UBASH3B: variants seen among roughly 807,000 people sequenced by gnomAD.
UBASH3B encodes the protein ubiquitin associated and SH3 domain containing B.
UBASH3B carries 37 observed loss-of-function variants against 83.4 expected under a neutral mutation model. That is an observed-to-expected ratio of 0.44 (90% CI 0.34 to 0.58). The LOEUF (loss-of-function observed/expected upper bound fraction) is 0.58. Among genes scored for constraint, UBASH3B ranks in the 20% least tolerant of loss-of-function variants. The pLI, the probability that UBASH3B is intolerant of heterozygous loss-of-function variation, is 0.01. For synonymous variants in UBASH3B, 304 were observed against 318.3 expected (o/e 0.96, Z 0.48); for missense variants, 657 against 827.2 (o/e 0.79, Z 2.52).
intron 1 of UBASH3B, among the ~76,000 whole-genome samples, chr11:122,729,722 G>T (rs892887409): frequency 1.4e-5 from 2 of 145,282 alleles, no homozygotes; most frequent in Non-Finnish European, 3.0e-5. Context: ...CACGTTGGGA[G>T]GCCCAGGTGG....
At chr11:122,739,495 C>T (rs949746714) in intron 1 of UBASH3B, among the ~76,000 whole-genome samples, 2 of 152,182 alleles carry the variant, frequency 1.3e-5, no homozygotes, top group Non-Finnish European at 2.9e-5. Flanking sequence ...TACTATAGTG[C>T]TTGGCATACA....
chr11:122,692,610 T>C (rs111378096), intron 1 of UBASH3B, among the ~76,000 whole-genome samples: 52 of 152,290 alleles, frequency 3.4e-4, no homozygotes, highest in African/African-American at 1.3e-3. Context: ...GGAAGACAGT[T>C]TGCATACTGC....
rs568912747 is a variant in UBASH3B, at chr11:122,768,470, A to ATG, written c.162-7711_162-7710dup. Among the ~76,000 whole-genome samples, 2,789 of 140,094 alleles carry ATG rather than the reference A, an allele frequency of 0.02. 195 individuals carry two copies. The East Asian group carries it at 0.24, about 12-fold the overall frequency. 91.9% of individuals were successfully genotyped at this position (140,094 alleles called of 152,430 possible). ...AAGAAAAAGATAGAGATATATATGT[A>ATG]TGTGTGTGTGTGTGTGTGTGTGTGT... On this transcript the variant is annotated intron_variant, in intron 1 of 13. Transcript: ENST00000284273.
intron 1 of UBASH3B, among the ~76,000 whole-genome samples, chr11:122,749,067 T>C (rs891471340): frequency 6.6e-5 from 10 of 152,244 alleles, no homozygotes; most frequent in Non-Finnish European, 1.2e-4. Context: ...GTGTGCCCCA[T>C]ACTACACATA....
chr11:122,802,912 C>A (rs1307634818), intron 11 of UBASH3B, among the ~76,000 whole-genome samples: 1 of 152,202 alleles, frequency 6.6e-6, no homozygotes, highest in East Asian at 1.9e-4. Context: ...CCACCAGCCC[C>A]ACCCAGACCA....
chr11:122,766,615 T>C (rs1246269001), intron 1 of UBASH3B, among the ~76,000 whole-genome samples: 4 of 147,288 alleles, frequency 2.7e-5, no homozygotes, highest in African/African-American at 7.6e-5. Context: ...TGGTGGCAGG[T>C]GCCTGTAGTC....
At chr11:122,774,749 T>C (rs115782281) in intron 1 of UBASH3B, among the ~76,000 whole-genome samples, 3,724 of 152,312 alleles carry the variant, frequency 0.024, 88 homozygotes, top group African/African-American at 0.054. Flanking sequence ...TGATCACCTA[T>C]GATAGGTCAG....
In UBASH3B at chr11:122,674,840, T is replaced by G. The variant is rs189741983; in HGVS notation, c.161+18630T>G. On this transcript the variant is annotated intron_variant, in intron 1 of 13. Coordinates refer to ENST00000284273, the MANE Select transcript of UBASH3B (RefSeq NM_032873.5). ...GCCTTTTGGGTTCAAGCGATTCTCC[T>G]GTCTCAGCCTCCTGAGGAGCTGGGA... Among the ~76,000 whole-genome samples, 150 of 150,640 alleles carry G rather than the reference T, an allele frequency of 1.0e-3. 1 individual carries two copies. Among genetic ancestry groups the G allele is most frequent in the Non-Finnish European group, 1.7e-3 (112 of 67,864 alleles).
At position 122,719,804 on chromosome 11, in the gene UBASH3B, T is replaced by C. The variant is rs145444720; in HGVS notation, c.162-56415T>C. 2.5e-3 allele frequency among the ~76,000 whole-genome samples: 378 copies of C among 152,330 alleles called. 4 individuals carry two copies. The highest frequency in any genetic ancestry group is 8.6e-3 in the African/African-American group (359 of 41,588). ...CCAAAGCTGCTGTCATCAAGGTCAC[T>C]AATGGCCACAGTAGTGCCATATATT... On this transcript the variant is annotated intron_variant, in intron 1 of 13. Coordinates refer to ENST00000284273, the MANE Select transcript of UBASH3B (RefSeq NM_032873.5).
chr11:122,729,431 T>C (rs1186230923), intron 1 of UBASH3B, among the ~76,000 whole-genome samples: 2 of 152,064 alleles, frequency 1.3e-5, no homozygotes, highest in Non-Finnish European at 2.9e-5. Context: ...AACAAACTGA[T>C]TGGAAAAAGA....
chr11:122,748,673 C>T (rs981269103), intron 1 of UBASH3B, among the ~76,000 whole-genome samples: 5 of 152,276 alleles, frequency 3.3e-5, no homozygotes, highest in African/African-American at 1.2e-4. Flanking sequence ...GAACCCAGAA[C>T]AAGACACAAG....
chr11:122,779,677 G>T lies in UBASH3B; in HGVS notation c.583G>T (p.Glu195Ter). The stretch of plus-strand genomic sequence containing the variant: ...GAAGTTTGCTGCTGACTTTGCTGCA[G>T]AGGCTGCATCCAAAACCGGTGAGCA... ...LKKFAADFAA[E>*]AASKTEVHVE... is the part of the protein sequence containing the mutation. Residue 195 changes from glutamate (E) to a stop codon, truncating the protein, a stop_gained, in exon 4 of 14, where the codon GAG becomes TAG. Coordinates refer to ENST00000284273, the MANE Select transcript of UBASH3B (RefSeq NM_032873.5). LOFTEE classifies it high-confidence loss of function. 6.2e-7 allele frequency: 1 copy of T among 1,614,214 alleles called. No individual in the cohort carries two copies. The highest frequency in any genetic ancestry group is 8.5e-7 in the Non-Finnish European group (1 of 1,180,030).
intron 1 of UBASH3B, among the ~76,000 whole-genome samples, chr11:122,699,847 G>A (rs1378841016): frequency 1.3e-5 from 2 of 152,142 alleles, no homozygotes; most frequent in Non-Finnish European, 2.9e-5. Flanking sequence ...GCCTCCCAAA[G>A]TGCTGGGATT....
intron 1 of UBASH3B, among the ~76,000 whole-genome samples, chr11:122,690,187 T>TCC (rs1232756841): frequency 9.1e-5 from 2 of 21,874 alleles, no homozygotes; most frequent in African/African-American, 3.1e-4. Flanking sequence ...TATATATATA[T>TCC]ATATATATAT....
chr11:122,783,286 G>A (rs970148965), intron 5 of UBASH3B, 64 bp downstream of exon 5: 3 of 1,562,878 alleles, frequency 1.9e-6, no homozygotes, highest in East Asian at 4.5e-5. Context: ...TCAGCAGCTC[G>A]CTGCTGCAGG....
intron 1 of UBASH3B, among the ~76,000 whole-genome samples, chr11:122,658,818 T>C (rs1279966529): frequency 6.6e-6 from 1 of 152,236 alleles, no homozygotes; most frequent in Non-Finnish European, 1.5e-5. Context: ...TAGCTTCCTG[T>C]GACTGCTGTA....
At chr11:122,725,316 T>C (rs1220380145) in intron 1 of UBASH3B, among the ~76,000 whole-genome samples, 3 of 61,998 alleles carry the variant, frequency 4.8e-5, no homozygotes, top group Admixed American at 2.3e-4. Flanking sequence ...GTGATGAGCA[T>C]AGCACCATAA....
chr11:122,801,386 C>G, intron 11 of UBASH3B, 54 bp downstream of exon 11: 1 of 1,597,570 alleles, frequency 6.3e-7, no homozygotes, highest in Non-Finnish European at 8.5e-7. Flanking sequence ...GCTTTCTGCA[C>G]TAGCACTAGG....
chr11:122,810,138 G>A lies in UBASH3B; in HGVS notation c.*252G>A. 2.4e-6 allele frequency: 1 copy of A among 419,964 alleles called. No homozygotes were observed. The highest frequency in any genetic ancestry group is 4.3e-6 in the Non-Finnish European group (1 of 234,478). The allele number at this position is 419,964 out of a possible 1,614,324, so 26.0% of individuals were successfully genotyped here. ...TTGGAGAATTGTCTTCCTAAATCGG[G>A]GCACCTGCTACAGAAGAGAATGTTT... is the stretch of plus-strand genomic sequence containing the variant. On this transcript the variant is annotated 3_prime_UTR_variant, in exon 14 of 14. Coordinates refer to ENST00000284273, the MANE Select transcript of UBASH3B (RefSeq NM_032873.5).
Sources: allele counts gnomAD v4.1 joint callset (sites outside exome capture counted in the v4.1 genomes callset), GRCh38; gene constraint gnomAD v4.1.1; transcripts MANE v1.5; gene names NCBI Gene and HGNC (gene_info 2026-07-23, HGNC 2026-07-21).